KCNT1: variants seen among roughly 807,000 people sequenced by gnomAD.
KCNT1 encodes the protein potassium sodium-activated channel subfamily T member 1.
In KCNT1, 78 loss-of-function variants were observed where a neutral mutation model predicts 147.8. That is an observed-to-expected ratio of 0.53 (90% CI 0.44 to 0.64). The LOEUF (loss-of-function observed/expected upper bound fraction) is 0.64, where lower values mean the gene tolerates loss of function less well. Ranked by LOEUF, KCNT1 falls within the 30% of genes least tolerant of loss-of-function variation. The pLI is 0.00. For missense variants in KCNT1, 1,419 were observed against 1,750.3 expected (o/e 0.81, Z 3.38); for synonymous variants, 867 against 748.8 (o/e 1.16, Z -2.58).
chr9:135,768,535 ACCTCACCT>A, intron 13 of KCNT1, 67 bp from the exon 14 acceptor site: 2 of 1,201,754 alleles, frequency 1.7e-6, no homozygotes, highest in Non-Finnish European at 2.4e-6. Context: ...GGTCCTCCCC[ACCTCACCT>A]CCGCACCCCC....
chr9:135,725,390 C>T (rs571502850), intron 2 of KCNT1, among the ~76,000 whole-genome samples: 80 of 152,288 alleles, frequency 5.3e-4, no homozygotes, highest in Non-Finnish European at 9.0e-4. Flanking sequence ...GTGACTTATA[C>T]GAAGAGAAGG....
At chr9:135,743,931 C>T (rs558584702) in intron 2 of KCNT1, among the ~76,000 whole-genome samples, 1 of 152,368 alleles carries the variant, frequency 6.6e-6, no homozygotes, top group South Asian at 2.1e-4. Flanking sequence ...TCTGTCCAGG[C>T]TCAGAATAGC....
chr9:135,714,729 C>T lies in KCNT1; in HGVS notation c.254+9C>T. 2.2e-6 allele frequency: 3 copies of T among 1,368,658 alleles called. No homozygotes were observed. Among genetic ancestry groups the T allele is most frequent in the Non-Finnish European group, 2.9e-6 (3 of 1,048,682 alleles). The allele number at this position is 1,368,658 out of a possible 1,614,324, so 84.8% of individuals were successfully genotyped here. ...TTCCAGAACGACGACAGGTAGGGAC[C>T]GGGCGCGGGGTGGGGGCTGGGGTCG... On this transcript the variant is annotated intron_variant, in intron 2 of 30. Transcript: ENST00000371757. This position sits in a 1 kb window ranked among gnomAD's most constrained non-coding sequence, Gnocchi z 6.2.
At chr9:135,725,718 G>T (rs543847639) in intron 2 of KCNT1, among the ~76,000 whole-genome samples, 2 of 152,236 alleles carry the variant, frequency 1.3e-5, no homozygotes, top group Non-Finnish European at 2.9e-5. Flanking sequence ...AGGTTCCCAC[G>T]TGGAGCTGTG....
At chr9:135,753,339 G>A (rs112805621) in intron 4 of KCNT1, among the ~76,000 whole-genome samples, 20 of 152,326 alleles carry the variant, frequency 1.3e-4, no homozygotes, top group African/African-American at 4.1e-4. Context: ...CCCTGGCATC[G>A]ATGATGGTCT....
At chr9:135,751,076 G>T (rs766033075) in intron 4 of KCNT1, 35 bp downstream of exon 4, 1 of 1,582,240 alleles carries the variant, frequency 6.3e-7, no homozygotes, top group Admixed American at 1.7e-5. Context: ...CGGGGTCCCG[G>T]GTCCCAGGGC....
chr9:135,765,412 C>T (rs1832197382), intron 12 of KCNT1, among the ~76,000 whole-genome samples: 1 of 151,972 alleles, frequency 6.6e-6, no homozygotes, highest in African/African-American at 2.4e-5. Flanking sequence ...CCTGAGTCCT[C>T]TCAGCCTCAG....
In KCNT1 at chr9:135,752,462, C is replaced by T. The variant is rs1831230896; in HGVS notation, c.434+1421C>T. ...ACTCTCAAGCTACTTTCCTAGGTCA[C>T]TCCCCACCCCAAGTCCCAGGGTCCC... On this transcript the variant is annotated intron_variant, in intron 4 of 30. Coordinates refer to ENST00000371757, the MANE Select transcript of KCNT1 (RefSeq NM_020822.3). This position sits in a 1 kb window ranked among gnomAD's most constrained non-coding sequence, Gnocchi z 5.1. The T allele has an allele frequency of 4.4e-6, 2 of 456,390 alleles. No homozygotes were observed. The highest frequency in any genetic ancestry group is 8.8e-6 in the Non-Finnish European group (2 of 226,864). The allele number at this position is 456,390 out of a possible 1,614,324, so 28.3% of individuals were successfully genotyped here.
rs763782689 is a variant in KCNT1, at chr9:135,758,610, G to C, written c.854+102G>C. 4.1e-6 allele frequency: 4 copies of C among 974,192 alleles called. No individual in the cohort carries two copies. In the African/African-American group the frequency reaches 4.8e-5, roughly 12 times the overall value. 60.3% of individuals were successfully genotyped at this position (974,192 alleles called of 1,614,324 possible). The stretch of plus-strand genomic sequence containing the variant: ...TACAGATGCCTATGTCCAAGCTATC[G>C]GGGCAGAAAAGGCCACAGTGCCTGG... On this transcript the variant is annotated intron_variant, in intron 10 of 30. Transcript: ENST00000371757.
intron 2 of KCNT1, among the ~76,000 whole-genome samples, chr9:135,721,335 C>T (rs905007691): frequency 2.0e-5 from 3 of 152,170 alleles, no homozygotes; most frequent in Non-Finnish European, 2.9e-5. Context: ...ACATTCTGCC[C>T]GGGGCCATCC....
chr9:135,765,282 C>G (rs1431718077), intron 12 of KCNT1, 87 bp downstream of exon 12: 1 of 1,321,152 alleles, frequency 7.6e-7, no homozygotes, highest in African/African-American at 1.5e-5. Flanking sequence ...TGGCAAGTCC[C>G]TGAGTCCTCT....
At chr9:135,781,371 C>T (rs965667333) in intron 24 of KCNT1, among the ~76,000 whole-genome samples, 2 of 152,132 alleles carry the variant, frequency 1.3e-5, no homozygotes, top group Admixed American at 1.3e-4. Flanking sequence ...CGTGGACCAC[C>T]TGACCCATCA....
At position 135,726,878 on chromosome 9, in the gene KCNT1, T is replaced by TCTCTCTCC. The variant is rs769616055; in HGVS notation, c.254+12171_254+12178dup. On this transcript the variant is annotated intron_variant, in intron 2 of 30. Transcript: ENST00000371757. ...CCCTCTCCCTCTCTCTTTCCCATTC[T>TCTCTCTCC]CTCTCTCCCTCTCTCCCTCTTTCCC... 2.1e-3 allele frequency among the ~76,000 whole-genome samples: 262 copies of TCTCTCTCC among 125,852 alleles called. 12 individuals carry two copies. The highest frequency in any genetic ancestry group is 3.5e-3 in the South Asian group (11 of 3,174). 82.6% of individuals were successfully genotyped at this position (125,852 alleles called of 152,430 possible). A position where few individuals can be genotyped will look rare whatever the true frequency, so the allele number is the denominator to read the frequency against.
chr9:135,722,603 G>T (rs1419201594), intron 2 of KCNT1, among the ~76,000 whole-genome samples: 1 of 152,192 alleles, frequency 6.6e-6, no homozygotes, highest in African/African-American at 2.4e-5. Context: ...CCACAGACCC[G>T]GCAGCCTCAG....
intron 29 of KCNT1, among the ~76,000 whole-genome samples, chr9:135,787,637 CAG>C (rs1198702610): frequency 4.6e-5 from 7 of 152,206 alleles, no homozygotes; most frequent in African/African-American, 1.4e-4. Flanking sequence ...GAAGGAGACT[CAG>C]AGGCCAGGGT....
chr9:135,708,154 G>A (rs1835331595), intron 1 of KCNT1, among the ~76,000 whole-genome samples: 1 of 152,202 alleles, frequency 6.6e-6, no homozygotes, highest in African/African-American at 2.4e-5. Flanking sequence ...GCCTGCCTGG[G>A]GGACTCTCCT....
chr9:135,783,756 G>A (rs1470036922), intron 24 of KCNT1, among the ~76,000 whole-genome samples: 1 of 152,268 alleles, frequency 6.6e-6, no homozygotes, highest in Admixed American at 6.5e-5. Flanking sequence ...GCCGCCGGGA[G>A]TCCACCTTCT....
intron 2 of KCNT1, among the ~76,000 whole-genome samples, chr9:135,725,508 C>T (rs1364526951): frequency 3.3e-5 from 5 of 152,204 alleles, no homozygotes; most frequent in Non-Finnish European, 5.9e-5. Context: ...GCGGAGGACC[C>T]GCTACGCTTG....
intron 18 of KCNT1, 137 bp from the exon 19 acceptor site, chr9:135,772,578 G>A (rs1832830878): frequency 1.9e-6 from 1 of 522,804 alleles, no homozygotes; most frequent in Non-Finnish European, 3.2e-6. Flanking sequence ...GGCATAGATT[G>A]AAGCTCCTCA....
Sources: allele counts gnomAD v4.1 joint callset (sites outside exome capture counted in the v4.1 genomes callset), GRCh38; gene constraint gnomAD v4.1.1; non-coding constraint Gnocchi (gnomAD v3.1); transcripts MANE v1.5; gene names NCBI Gene and HGNC (gene_info 2026-07-23, HGNC 2026-07-21).